BTG4: variants seen among roughly 807,000 people sequenced by gnomAD.
BTG4 encodes the protein protein BTG4.
In BTG4, 10 loss-of-function variants were observed where a neutral mutation model predicts 19.3. The observed-to-expected ratio is 0.52, with a 90% confidence interval of 0.32 to 0.88. BTG4 has a LOEUF of 0.88. Ranked by LOEUF, BTG4 falls within the 40% of genes least tolerant of loss-of-function variation. The pLI is 0.04. For synonymous variants in BTG4, 91 were observed against 95.7 expected (o/e 0.95, Z 0.29); for missense variants, 238 against 281.9 (o/e 0.84, Z 1.11).
the BTG4 span, among the ~76,000 whole-genome samples, chr11:111,443,032 G>A: frequency 6.6e-6 from 1 of 152,220 alleles, no homozygotes; most frequent in African/African-American, 2.4e-5. Context: ...CCTCAGCCAG[G>A]TGATCAAGGT....
chr11:111,418,863 A>G, the BTG4 span, among the ~76,000 whole-genome samples: 3 of 152,222 alleles, frequency 2.0e-5, no homozygotes, highest in Non-Finnish European at 4.4e-5. Context: ...AGGGCTGCCA[A>G]AACAAAGTAC....
the BTG4 span, chr11:111,417,832 G>A: frequency 6.6e-6 from 1 of 152,134 alleles, no homozygotes; most frequent in Non-Finnish European, 1.5e-5. Context: ...CTGCATTGCA[G>A]GTTCATGCAT....
At chr11:111,514,084 A>C (rs1275864537), upstream of BTG4, 1 of 152,878 alleles carries the variant, frequency 6.5e-6, no homozygotes, top group Non-Finnish European at 1.5e-5. Context: ...TACATTAACA[A>C]AATTTTTCAT....
At chr11:111,403,313 C>T in the BTG4 span, among the ~76,000 whole-genome samples, 2 of 152,228 alleles carry the variant, frequency 1.3e-5, no homozygotes, top group Admixed American at 6.5e-5. Context: ...ACCTCAAACA[C>T]TTCTGTTGTT....
upstream of BTG4, chr11:111,514,705 C>A (rs1867148838): frequency 1.8e-6 from 2 of 1,098,084 alleles, no homozygotes; most frequent in Non-Finnish European, 2.5e-6. Flanking sequence ...CTGGTACCAA[C>A]TTGGCGGTTC....
chr11:111,415,708 G>A, the BTG4 span, among the ~76,000 whole-genome samples: 1 of 152,184 alleles, frequency 6.6e-6, no homozygotes, highest in Non-Finnish European at 1.5e-5. Context: ...GGCCTACGGG[G>A]TGGGGGAAAA....
chr11:111,422,816 C>A, the BTG4 span, among the ~76,000 whole-genome samples: 1 of 152,182 alleles, frequency 6.6e-6, no homozygotes, highest in African/African-American at 2.4e-5. Context: ...CCTCCCCCAT[C>A]CCCAGCTGGC....
At chr11:111,385,078 A>C in the BTG4 span, 1 of 151,292 alleles carries the variant, frequency 6.6e-6, no homozygotes, top group Admixed American at 6.6e-5. Flanking sequence ...TTCTTATTAC[A>C]AAAAAAAATT....
chr11:111,512,949 G>A (rs1178581732), upstream of BTG4: 1 of 458,544 alleles, frequency 2.2e-6, no homozygotes, highest in African/African-American at 2.0e-5. Context: ...TGCTCGGTTT[G>A]TAGGCAGTGT....
chr11:111,435,403 TC>T, the BTG4 span, among the ~76,000 whole-genome samples: 2 of 152,244 alleles, frequency 1.3e-5, no homozygotes, highest in South Asian at 4.2e-4. Flanking sequence ...GGCTGCTGTT[TC>T]CCCAGGAGGC....
the BTG4 span, among the ~76,000 whole-genome samples, chr11:111,409,709 C>T: frequency 1.3e-5 from 2 of 152,184 alleles, no homozygotes; most frequent in Non-Finnish European, 2.9e-5. Flanking sequence ...GGATATAAGT[C>T]ATGCGCACAG....
At chr11:111,418,090 A>G in the BTG4 span, 3 of 152,144 alleles carry the variant, frequency 2.0e-5, no homozygotes, top group African/African-American at 7.2e-5. Flanking sequence ...GAAGCTCATT[A>G]TGCTCTCCTC....
rs115797549 is a variant in BTG4 at position 111,483,418 on chromosome 11, A to T, written c.662+11745T>A. Among the ~76,000 whole-genome samples, 896 of 152,304 alleles carry T rather than the reference A, an allele frequency of 5.9e-3. 13 individuals carry two copies. Among genetic ancestry groups the T allele is most frequent in the African/African-American group, 0.021 (860 of 41,574 alleles). ...AGTGACCAATCCCACAGTGATGAAG[A>T]TATCATCTTTCAAACAGGGAATCAG... is the stretch of plus-strand genomic sequence containing the variant. On this transcript the variant is annotated intron_variant, in intron 5 of 5. Coordinates refer to the BTG4 transcript ENST00000356018.
At chr11:111,513,069 C>G, upstream of BTG4, 1 of 445,892 alleles carries the variant, frequency 2.2e-6, no homozygotes, top group Non-Finnish European at 4.8e-6. Context: ...TCGGGCAGCC[C>G]GCAGCCTTCG....
At chr11:111,393,986 G>C in the BTG4 span, among the ~76,000 whole-genome samples, 1 of 152,190 alleles carries the variant, frequency 6.6e-6, no homozygotes, top group African/African-American at 2.4e-5. Context: ...TCTGTGTCTT[G>C]ATTTCATCAC....
chr11:111,393,671 T>C, the BTG4 span, among the ~76,000 whole-genome samples: 11 of 152,104 alleles, frequency 7.2e-5, no homozygotes, highest in Admixed American at 6.5e-4. Flanking sequence ...AGGTCTAGCA[T>C]GAGGAGGAGA....
At chr11:111,410,879 C>T in the BTG4 span, among the ~76,000 whole-genome samples, 4 of 152,182 alleles carry the variant, frequency 2.6e-5, no homozygotes, top group African/African-American at 7.2e-5. Context: ...AACTTGGGGT[C>T]GTCCTTGGCT....
the BTG4 span, among the ~76,000 whole-genome samples, chr11:111,425,849 T>C: frequency 6.6e-6 from 1 of 152,058 alleles, no homozygotes; most frequent in Non-Finnish European, 1.5e-5. Flanking sequence ...CTGGGTAACA[T>C]AGTGACACCC....
At chr11:111,499,621 G>T (rs1591521142) in intron 1 of BTG4, among the ~76,000 whole-genome samples, 1 of 152,128 alleles carries the variant, frequency 6.6e-6, no homozygotes, top group African/African-American at 2.4e-5. Context: ...ACATTCCAAT[G>T]ATGTCATCTC....
Sources: gnomAD v4.1 joint callset for allele counts (sites outside exome capture counted in the v4.1 genomes callset) on GRCh38, gnomAD v4.1.1 for gene constraint, MANE v1.5 for transcripts, NCBI Gene and HGNC (gene_info 2026-07-23, HGNC 2026-07-21) for gene names.